Variants in CDC25C observed in about 807,000 individuals in gnomAD.
CDC25C encodes the protein M-phase inducer phosphatase 3.
Under a neutral mutation model 52.5 loss-of-function variants are expected in CDC25C, and 48 were observed. The ratio of observed to expected loss-of-function variants is 0.91; its 90% CI spans 0.72 to 1.16. The LOEUF is 1.16. Among genes scored for constraint, CDC25C ranks in the 50% most tolerant of loss-of-function variants. The probability of loss-of-function intolerance (pLI) is 0.00; values close to 1 mark genes in which losing one functional copy is unlikely to be tolerated. For missense variants in CDC25C, 510 were observed against 566.1 expected, an observed-to-expected ratio of 0.90 and a Z score of 1.01; for synonymous variants, 187 against 206.5, an observed-to-expected ratio of 0.91 and a Z score of 0.81.
rs545394025 is a variant in CDC25C at position 138,326,495 on chromosome 5, C to A, written c.336-441G>T. ...TAGCTGGGACTACAGGCGCCTGCAA[C>A]CACATTCAGCTAATTTTTTGTATTT... On this transcript the variant is annotated intron_variant, in intron 4 of 13. Transcript: ENST00000323760. 7.0e-4 allele frequency among the ~76,000 whole-genome samples: 106 copies of A among 152,112 alleles called. 1 individual carries two copies. The highest frequency in any genetic ancestry group is 2.5e-3 in the African/African-American group (103 of 41,514).
At chr5:138,308,278 T>C (rs1262380684) in intron 7 of CDC25C, among the ~76,000 whole-genome samples, 2 of 152,218 alleles carry the variant, frequency 1.3e-5, no homozygotes, top group African/African-American at 4.8e-5. Context: ...CTATGAAAGA[T>C]CTTCAATCAC....
At chr5:138,318,576 G>A (rs1759087496) in intron 7 of CDC25C, among the ~76,000 whole-genome samples, 1 of 151,890 alleles carries the variant, frequency 6.6e-6, no homozygotes, top group South Asian at 2.1e-4. Flanking sequence ...TTACCCGGGT[G>A]TGGTGGTGCA....
At chr5:138,322,854 C>G (rs1160125210) in intron 6 of CDC25C, among the ~76,000 whole-genome samples, 1 of 151,994 alleles carries the variant, frequency 6.6e-6, no homozygotes, top group Non-Finnish European at 1.5e-5. Flanking sequence ...CTCCTGACCT[C>G]AAGTGATCAG....
In CDC25C at chr5:138,286,141, G is replaced by T; in HGVS notation, c.1161-8C>A. ...TCACGCAGACAGCGGCACCTTTAGAGAGAACCCAGAGATGGGTGGGGTGGA... is the reference window on the plus strand; with the variant it reads ...TCACGCAGACAGCGGCACCTTTAGATAGAACCCAGAGATGGGTGGGGTGGA... On this transcript the variant is annotated splice_polypyrimidine_tract_variant and splice_region_variant and intron_variant, in intron 12 of 13. Coordinates refer to ENST00000323760, the MANE Select transcript of CDC25C (RefSeq NM_001790.5). 1 of 1,601,438 alleles carries T rather than the reference G, an allele frequency of 6.2e-7. No individual in the cohort carries two copies. The highest frequency in any genetic ancestry group is 8.5e-7 in the Non-Finnish European group (1 of 1,170,046).
At chr5:138,288,106 G>A (rs1232183440) in intron 10 of CDC25C, among the ~76,000 whole-genome samples, 1 of 151,542 alleles carries the variant, frequency 6.6e-6, no homozygotes, top group African/African-American at 2.4e-5. Context: ...ATGGAATTTC[G>A]CCCTTGTTGC....
rs36022580 is a variant in CDC25C at position 138,294,024 on chromosome 5, A to ATTT, written c.616-1911_616-1909dup. ...CAAAAATTGTCTCCGTTTTCTTTGG[A>ATTT]TTTTTTTTTTTTTTTTTTTGAGACA... On this transcript the variant is annotated intron_variant, in intron 7 of 13. Coordinates refer to ENST00000323760, the MANE Select transcript of CDC25C (RefSeq NM_001790.5). 3.3e-3 allele frequency among the ~76,000 whole-genome samples: 419 copies of ATTT among 125,960 alleles called. 8 individuals are homozygous for ATTT. Among genetic ancestry groups the ATTT allele is most frequent in the Middle Eastern group, 0.018 (4 of 226 alleles). 82.6% of individuals were successfully genotyped at this position (125,960 alleles called of 152,430 possible).
At chr5:138,333,509 A>G (rs1046243453), upstream of CDC25C, 2 of 152,254 alleles carry the variant, frequency 1.3e-5, no homozygotes, top group African/African-American at 4.8e-5. Flanking sequence ...AGGAGTTAGC[A>G]CAGAACCTTG....
At chr5:138,289,346 A>G (rs1357810091) in intron 10 of CDC25C, 155 bp downstream of exon 10, 1 of 576,668 alleles carries the variant, frequency 1.7e-6, no homozygotes. Context: ...AAGAATGGGG[A>G]AAAAAATGAG....
At chr5:138,313,995 C>CTTTCTTTCTTTCTT (rs1554117939) in intron 7 of CDC25C, among the ~76,000 whole-genome samples, 50 of 112,670 alleles carry the variant, frequency 4.4e-4, no homozygotes, top group South Asian at 2.7e-3. Flanking sequence ...TTCTTTCTTT[C>CTTTCTTTCTTTCTT]TTTTTTTTTT....
At chr5:138,337,229 C>T (rs1333750992) in intron 1 of CDC25C, 1 of 152,320 alleles carries the variant, frequency 6.6e-6, no homozygotes, top group Admixed American at 6.5e-5. Context: ...ACATAAGAGC[C>T]AGAAACCATC....
chr5:138,331,948 G>T, upstream of CDC25C: 2 of 964,186 alleles, frequency 2.1e-6, no homozygotes, highest in Non-Finnish European at 2.5e-6. Flanking sequence ...TCACCTGGGG[G>T]CGTGTGCTTG....
chr5:138,311,003 G>T (rs1758411192), intron 7 of CDC25C, among the ~76,000 whole-genome samples: 1 of 152,220 alleles, frequency 6.6e-6, no homozygotes, highest in African/African-American at 2.4e-5. Context: ...CCAATGGAAT[G>T]GAACACAGCC....
intron 7 of CDC25C, among the ~76,000 whole-genome samples, chr5:138,305,998 G>A (rs1163785129): frequency 1.3e-5 from 2 of 152,220 alleles, no homozygotes; most frequent in Non-Finnish European, 2.9e-5. Context: ...AGTCTATCTA[G>A]CAGCAAGCCT....
chr5:138,290,828 A>G, intron 8 of CDC25C, 88 bp from the exon 9 acceptor site: 2 of 805,542 alleles, frequency 2.5e-6, no homozygotes, highest in Non-Finnish European at 4.3e-6. Flanking sequence ...GGTGGCGCAC[A>G]TCTGTAATCC....
At chr5:138,313,732 C>T (rs887787118) in intron 7 of CDC25C, among the ~76,000 whole-genome samples, 1 of 152,076 alleles carries the variant, frequency 6.6e-6, no homozygotes, top group African/African-American at 2.4e-5. Flanking sequence ...ATTTTCTCCT[C>T]TATACAGCTG....
chr5:138,315,145 G>A (rs1259193267), intron 7 of CDC25C, among the ~76,000 whole-genome samples: 7 of 151,406 alleles, frequency 4.6e-5, no homozygotes, highest in African/African-American at 1.5e-4. Context: ...TGTTGGCCAG[G>A]CAGCTCTCAA....
intron 7 of CDC25C, among the ~76,000 whole-genome samples, chr5:138,299,351 C>A (rs1272583913): frequency 6.6e-6 from 1 of 150,906 alleles, no homozygotes; most frequent in South Asian, 2.1e-4. Context: ...CAAAAATTAG[C>A]CAGGCGTGGT....
chr5:138,322,466 A>ATTT lies in CDC25C; in HGVS notation c.460-3095_460-3093dup, dbSNP rs71585117. Among the ~76,000 whole-genome samples, 155 of 67,956 alleles carry ATTT rather than the reference A, an allele frequency of 2.3e-3. 15 individuals carry two copies. The highest frequency in any genetic ancestry group is 2.9e-3 in the African/African-American group (58 of 19,888). 44.6% of individuals were successfully genotyped at this position (67,956 alleles called of 152,430 possible). ...AGATGCCTGCCACCACGCCCGGCTA[A>ATTT]TTTTTTTTTTTTTTTTTTTTTTTTT... On this transcript the variant is annotated intron_variant, in intron 6 of 13. Coordinates refer to ENST00000323760, the MANE Select transcript of CDC25C (RefSeq NM_001790.5).
At chr5:138,325,673 A>G in intron 6 of CDC25C, 142 bp downstream of exon 6, 6 of 639,516 alleles carry the variant, frequency 9.4e-6, no homozygotes, top group Non-Finnish European at 1.6e-5. Flanking sequence ...AACAAAAACA[A>G]AGAAATTTTC....
Sources: gnomAD v4.1 joint callset for allele counts (sites outside exome capture counted in the v4.1 genomes callset) on GRCh38, gnomAD v4.1.1 for gene constraint, MANE v1.5 for transcripts, NCBI Gene and HGNC (gene_info 2026-07-23, HGNC 2026-07-21) for gene names.